ZFC3H1: variants seen among roughly 807,000 people sequenced by gnomAD.
ZFC3H1 encodes the protein zinc finger C3H1-type containing.
In ZFC3H1, 71 loss-of-function variants were observed where a neutral mutation model predicts 243.7. The ratio of observed to expected loss-of-function variants is 0.29; its 90% CI spans 0.24 to 0.36. The LOEUF (loss-of-function observed/expected upper bound fraction) is 0.36. Among genes scored for constraint, ZFC3H1 ranks in the 10% least tolerant of loss-of-function variants. The pLI, the probability that ZFC3H1 is intolerant of heterozygous loss-of-function variation, is 1.00. For synonymous variants in ZFC3H1, 838 were observed against 813.0 expected, an observed-to-expected ratio of 1.03 and a Z score of -0.52; for missense variants, 1,966 against 2,317.1, an observed-to-expected ratio of 0.85 and a Z score of 3.11.
chr12:71,610,934 A>C, intron 33 of ZFC3H1, 124 bp downstream of exon 33: 2 of 1,474,264 alleles, frequency 1.4e-6, no homozygotes, highest in Non-Finnish European at 1.8e-6. Flanking sequence ...TTGTTTCCCC[A>C]CTTGGTTCTT....
At position 71,624,283 on chromosome 12, in the gene ZFC3H1, G is replaced by A. The variant is rs772986894; in HGVS notation, c.4327C>T (p.Leu1443=). 2.5e-6 allele frequency: 4 copies of A among 1,610,182 alleles called. No individual in the cohort carries two copies. The highest frequency in any genetic ancestry group is 3.4e-6 in the Non-Finnish European group (4 of 1,178,144). The part of the protein sequence containing the change: ...DYQSFWTFLH[L]ESTFEEKDYV... ...TCCTTTTCTTCAAAGGTACTTTCTA[G>A]GTGTAGAAACTGCCCAAAGGGCCTT... is the stretch of plus-strand genomic sequence containing the variant. The change falls in exon 23 of 35, where the codon CTA becomes TTA. Residue 1443 remains leucine, a synonymous_variant. Coordinates refer to ENST00000378743, the MANE Select transcript of ZFC3H1 (RefSeq NM_144982.5).
intron 25 of ZFC3H1, 31 bp downstream of exon 25, chr12:71,620,179 T>C (rs996382855): frequency 1.5e-5 from 24 of 1,612,918 alleles, no homozygotes; most frequent in Non-Finnish European, 1.8e-5. Flanking sequence ...CTTTTTAATA[T>C]AAGGTTAGCT....
intron 2 of ZFC3H1, among the ~76,000 whole-genome samples, chr12:71,648,651 T>C (rs549653761): frequency 6.6e-6 from 1 of 152,338 alleles, no homozygotes; most frequent in African/African-American, 2.4e-5. Context: ...AAAGAATACG[T>C]GACTTATTCA....
At chr12:71,616,546 A>C (rs1295321955) in intron 27 of ZFC3H1, among the ~76,000 whole-genome samples, 1 of 152,194 alleles carries the variant, frequency 6.6e-6, no homozygotes, top group Admixed American at 6.5e-5. Context: ...GACTCTAAGA[A>C]GTCAATCAGT....
intron 26 of ZFC3H1, 66 bp downstream of exon 26, chr12:71,619,860 G>A: frequency 6.9e-7 from 1 of 1,451,666 alleles, no homozygotes; most frequent in Non-Finnish European, 9.3e-7. Context: ...AACACTTCCT[G>A]GTGAGGCCAA....
chr12:71,621,630 C>T (rs1488394372), intron 24 of ZFC3H1, among the ~76,000 whole-genome samples: 1 of 151,890 alleles, frequency 6.6e-6, no homozygotes, highest in African/African-American at 2.4e-5. Context: ...TATTTCCTAC[C>T]GCCAACAATC....
chr12:71,643,986 T>C, intron 5 of ZFC3H1, 109 bp downstream of exon 5: 2 of 1,002,610 alleles, frequency 2.0e-6, no homozygotes, highest in Non-Finnish European at 2.9e-6. Flanking sequence ...CCTTCCTTTT[T>C]TCCAAGAGTT....
At chr12:71,637,171 G>GC in intron 7 of ZFC3H1, 112 bp from the exon 8 acceptor site, 1 of 913,194 alleles carries the variant, frequency 1.1e-6, no homozygotes, top group Non-Finnish European at 1.6e-6. Flanking sequence ...TATTTTAGCT[G>GC]TAAATATAGT....
rs372461115 is a variant in ZFC3H1, at chr12:71,657,307, C to G, written c.599-6G>C. 7.3e-6 allele frequency: 11 copies of G among 1,513,490 alleles called. No homozygotes were observed. The African/African-American group carries it at 1.4e-4, about 19-fold the overall frequency. The allele number at this position is 1,513,490 out of a possible 1,614,324, so 93.8% of individuals were successfully genotyped here. ...AGACCTTCCAAAACTTTTGGCTGAA[C>G]AGCATATTAAGGAAACCAGTTTCCA... On this transcript the variant is annotated splice_region_variant and splice_polypyrimidine_tract_variant and intron_variant, in intron 1 of 34. Transcript: ENST00000378743.
Position 71,636,827 on chromosome 12 carries a change from AGAGGTT to A in ZFC3H1, c.1935+17_1935+22del. 1 of 1,611,272 alleles carries A rather than the reference AGAGGTT, an allele frequency of 6.2e-7. No homozygotes were observed. ...AAAGCTAAGCTCAAGAGCACCACCT[AGAGGTT>A]TAGGTACCTAAATTACCTCTGGCTT... On this transcript the variant is annotated intron_variant, in intron 8 of 34. Coordinates refer to ENST00000378743, the MANE Select transcript of ZFC3H1 (RefSeq NM_144982.5).
chr12:71,645,587 CT>C (rs1327329474), intron 3 of ZFC3H1, among the ~76,000 whole-genome samples: 3 of 151,934 alleles, frequency 2.0e-5, no homozygotes, highest in Non-Finnish European at 2.9e-5. Flanking sequence ...TTTTTTAATT[CT>C]TTAAATTACT....
intron 22 of ZFC3H1, among the ~76,000 whole-genome samples, chr12:71,625,696 T>C (rs1458807787): frequency 6.6e-6 from 1 of 152,044 alleles, no homozygotes; most frequent in Non-Finnish European, 1.5e-5. Context: ...CCTCAAAAAC[T>C]GACAGCCAAA....
chr12:71,614,585 T>A lies in ZFC3H1; in HGVS notation c.5476A>T (p.Ile1826Phe). ...CAGTAATCAGCACTGCTAAAAGGAA[T>A]GGGGTATCGGGCAGGGACTGTAACC... ...CLVTVPARYP[I>F]PFSSADYWSN... The change falls in exon 30 of 35, where the codon ATT (isoleucine) becomes TTT (phenylalanine). Residue 1826 changes from isoleucine (I) to phenylalanine (F), a missense_variant. Ile to Phe is a conservative substitution (Grantham distance 21). Transcript: ENST00000378743. The A allele has an allele frequency of 6.2e-7, 1 of 1,612,958 alleles. No homozygotes were observed. Among genetic ancestry groups the A allele is most frequent in the Non-Finnish European group, 8.5e-7 (1 of 1,179,420 alleles).
Position 71,663,259 on chromosome 12 carries a change from G to C in ZFC3H1, c.352C>G (p.Arg118Gly), listed in dbSNP as rs201386440. ...EPFRSHPPSV[R>G]MPSSSLSESS... ...TCGGACAGTGAGCTCGAAGGCATCC[G>C]TACAGAAGGCGGATGAGACCGGAAC... is the stretch of plus-strand genomic sequence containing the variant. Residue 118 changes from arginine (R) to glycine (G), a missense_variant, in exon 1 of 35, where the codon CGG becomes GGG. Coordinates refer to ENST00000378743, the MANE Select transcript of ZFC3H1 (RefSeq NM_144982.5). 6.2e-7 allele frequency: 1 copy of C among 1,613,754 alleles called. No homozygotes were observed.
chr12:71,648,920 T>C (rs1430660947), intron 2 of ZFC3H1, among the ~76,000 whole-genome samples: 1 of 151,640 alleles, frequency 6.6e-6, no homozygotes, highest in African/African-American at 2.4e-5. Flanking sequence ...CAAAACTCTG[T>C]CTCTACTGAA....
chr12:71,615,056 C>G (rs534365717), intron 28 of ZFC3H1, 118 bp from the exon 29 acceptor site: 413 of 1,143,930 alleles, frequency 3.6e-4, no homozygotes, highest in Non-Finnish European at 4.8e-4. Context: ...TTTGACCTTT[C>G]TTCTCTAGTA....
Position 71,611,104 on chromosome 12 carries a change from G to GAAAAAAAAAAAAAAAA in ZFC3H1, c.5730-8_5730-7insTTTTTTTTTTTTTTTT, listed in dbSNP as rs566085973. The GAAAAAAAAAAAAAAAA allele has an allele frequency of 2.4e-5, 31 of 1,280,820 alleles. No individual in the cohort carries two copies. The highest frequency in any genetic ancestry group is 9.2e-5 in the South Asian group (5 of 54,526). 79.3% of individuals were successfully genotyped at this position (1,280,820 alleles called of 1,614,324 possible). A position where few individuals can be genotyped will look rare whatever the true frequency, so the allele number is the denominator to read the frequency against. On this transcript the variant is annotated splice_polypyrimidine_tract_variant and splice_region_variant and intron_variant, in intron 32 of 34. Coordinates refer to ENST00000378743, the MANE Select transcript of ZFC3H1 (RefSeq NM_144982.5). ...AATCTCAGCAGCAATGGCTCTAAGA[G>GAAAAAAAAAAAAAAAA]AAAAAAAAAAAAAAAGAAATATAGA...
At chr12:71,662,952 G>C (rs780488715) in intron 1 of ZFC3H1, 61 bp downstream of exon 1, 3 of 1,467,878 alleles carry the variant, frequency 2.0e-6, no homozygotes, top group African/African-American at 2.8e-5. Flanking sequence ...CACAGACCTA[G>C]TAATGACGCT....
chr12:71,642,590 G>A, intron 5 of ZFC3H1, 31 bp from the exon 6 acceptor site: 1 of 1,579,968 alleles, frequency 6.3e-7, no homozygotes, highest in Middle Eastern at 1.7e-4. Flanking sequence ...TAGTTTCAAA[G>A]CATTTTCTGT....
Sources: allele counts gnomAD v4.1 joint callset (sites outside exome capture counted in the v4.1 genomes callset), GRCh38; gene constraint gnomAD v4.1.1; transcripts MANE v1.5; gene names NCBI Gene and HGNC (gene_info 2026-07-23, HGNC 2026-07-21).